Variants in KDELR2 observed in about 807,000 individuals in gnomAD.
The protein encoded by KDELR2 is KDEL endoplasmic reticulum protein retention receptor 2.
In KDELR2, 15 loss-of-function variants were observed where a neutral mutation model predicts 23.9. The observed-to-expected ratio is 0.63, with a 90% confidence interval of 0.42 to 0.97. KDELR2 has a LOEUF of 0.97. Among genes scored for constraint, KDELR2 ranks in the 50% least tolerant of loss-of-function variants. The pLI, the probability that KDELR2 is intolerant of heterozygous loss-of-function variation, is 0.00. For missense variants in KDELR2, 272 were observed against 254.6 expected (o/e 1.07, Z -0.46); for synonymous variants, 119 against 106.2 (o/e 1.12, Z -0.74).
chr7:6,480,550 AG>A (rs1785868614), intron 1 of KDELR2, among the ~76,000 whole-genome samples: 5 of 152,294 alleles, frequency 3.3e-5, no homozygotes, highest in African/African-American at 1.2e-4. Flanking sequence ...TCTGCCTATG[AG>A]GAACACAGAA....
At chr7:6,473,358 C>T (rs978124307) in intron 2 of KDELR2, among the ~76,000 whole-genome samples, 5 of 152,012 alleles carry the variant, frequency 3.3e-5, no homozygotes, top group African/African-American at 4.8e-5. Context: ...TATTTTCTGC[C>T]GCATCCTCAG....
Position 6,462,893 on chromosome 7 carries a change from TA to T in KDELR2, c.*247del. On this transcript the variant is annotated 3_prime_UTR_variant, in exon 5 of 5. Coordinates refer to ENST00000258739, the MANE Select transcript of KDELR2 (RefSeq NM_006854.4). ...AATTGAAGCTACACACTGAATTTAT[TA>T]ATACAGCATTAAGTTTCTTTGTGTA... The T allele has an allele frequency of 7.9e-7, 1 of 1,267,648 alleles. No homozygotes were observed. The highest frequency in any genetic ancestry group is 1.5e-5 in the African/African-American group (1 of 66,408). The allele number at this position is 1,267,648 out of a possible 1,614,324, so 78.5% of individuals were successfully genotyped here.
chr7:6,470,469 G>A (rs1055460469), intron 2 of KDELR2: 1 of 152,208 alleles, frequency 6.6e-6, no homozygotes, highest in Non-Finnish European at 1.5e-5. Context: ...GGGAAAGTTC[G>A]CGCCTTGAAC....
intron 2 of KDELR2, among the ~76,000 whole-genome samples, chr7:6,473,080 G>GTTTTT (rs1393026018): frequency 2.3e-5 from 1 of 42,718 alleles, no homozygotes; most frequent in African/African-American, 7.7e-5. Context: ...GCTAATTTTT[G>GTTTTT]TATTTTTTTT....
At chr7:6,473,473 T>C (rs542184263) in intron 2 of KDELR2, among the ~76,000 whole-genome samples, 24 of 152,290 alleles carry the variant, frequency 1.6e-4, no homozygotes, top group African/African-American at 5.1e-4. Flanking sequence ...GTGCCACCAG[T>C]GCTACACAAA....
intron 2 of KDELR2, among the ~76,000 whole-genome samples, chr7:6,471,938 G>A (rs1045940392): frequency 2.7e-5 from 4 of 148,094 alleles, no homozygotes; most frequent in Non-Finnish European, 5.9e-5. Context: ...GCCTTGCTCT[G>A]TCACCAGGCT....
intron 2 of KDELR2, chr7:6,470,099 T>C (rs1785596783): frequency 5.7e-6 from 1 of 175,284 alleles, no homozygotes; most frequent in Non-Finnish European, 1.2e-5. Flanking sequence ...GCCACATAAA[T>C]GGAGTCACAT....
intron 2 of KDELR2, among the ~76,000 whole-genome samples, chr7:6,473,248 C>T (rs1785690697): frequency 6.6e-6 from 1 of 151,880 alleles, no homozygotes; most frequent in African/African-American, 2.4e-5. Flanking sequence ...CATAGGTTCG[C>T]AACTCTTATA....
chr7:6,468,094 G>A (rs1360963470), intron 3 of KDELR2, among the ~76,000 whole-genome samples: 2 of 152,352 alleles, frequency 1.3e-5, no homozygotes, highest in Non-Finnish European at 2.9e-5. Flanking sequence ...TACCACTGAA[G>A]TCAAGATAAT....
chr7:6,468,336 A>G (rs1446153173), intron 3 of KDELR2, among the ~76,000 whole-genome samples: 1 of 152,066 alleles, frequency 6.6e-6, no homozygotes, highest in Non-Finnish European at 1.5e-5. Context: ...CATGAAATTA[A>G]CTTTTTTTCT....
intron 1 of KDELR2, among the ~76,000 whole-genome samples, chr7:6,483,647 G>A (rs1021460627): frequency 6.6e-6 from 1 of 152,226 alleles, no homozygotes; most frequent in Non-Finnish European, 1.5e-5. Context: ...CCAGAGAGGG[G>A]CCACGCCTGT....
chr7:6,477,198 G>A (rs916990021), intron 1 of KDELR2, among the ~76,000 whole-genome samples: 3 of 152,312 alleles, frequency 2.0e-5, no homozygotes, highest in African/African-American at 2.4e-5. Flanking sequence ...GTTTGAAGCC[G>A]GTCCATGGAG....
At position 6,474,191 on chromosome 7, in the gene KDELR2, G is replaced by A. The variant is rs762563240; in HGVS notation, c.185C>T (p.Ser62Phe). The A allele has an allele frequency of 1.5e-5, 24 of 1,595,726 alleles. No individual in the cohort carries two copies. The highest frequency in any genetic ancestry group is 2.0e-5 in the Non-Finnish European group (23 of 1,163,356). Residue 62 changes from serine to phenylalanine, a missense_variant, in exon 2 of 5, where the codon TCT becomes TTT. By Grantham distance (155) the Ser-to-Phe change is radical. Transcript: ENST00000258739. ...FTSFISLYNT[S>F]MKVIYLACSY... ...GTGGATGGCATACCATACCTTCATA[G>A]ATGTGTTATACAATGAAATAAATGA...
intron 1 of KDELR2, among the ~76,000 whole-genome samples, chr7:6,479,496 G>C (rs1258349914): frequency 6.6e-6 from 1 of 151,410 alleles, no homozygotes; most frequent in Non-Finnish European, 1.5e-5. Context: ...TTGATTTTTT[G>C]AGACGGAGTC....
chr7:6,463,113 G>A lies in KDELR2; in HGVS notation c.*28C>T. Reference sequence around the variant, plus strand: ...AGAATTCTGTCCGAGCACCCTGAAGGACAGATGCTGGTGATGGTCTTTGGC... The same window carrying A: ...AGAATTCTGTCCGAGCACCCTGAAGAACAGATGCTGGTGATGGTCTTTGGC... On this transcript the variant is annotated 3_prime_UTR_variant, in exon 5 of 5. Coordinates refer to ENST00000258739, the MANE Select transcript of KDELR2 (RefSeq NM_006854.4). 5 of 1,614,164 alleles carry A rather than the reference G, an allele frequency of 3.1e-6. No individual in the cohort carries two copies. Among genetic ancestry groups the A allele is most frequent in the Non-Finnish European group, 4.2e-6 (5 of 1,180,038 alleles).
chr7:6,478,588 C>G (rs914377929), intron 1 of KDELR2, among the ~76,000 whole-genome samples: 3 of 152,078 alleles, frequency 2.0e-5, no homozygotes, highest in South Asian at 2.1e-4. Flanking sequence ...AGATATTAAC[C>G]TTTTGTCACT....
intron 3 of KDELR2, among the ~76,000 whole-genome samples, chr7:6,468,223 C>T (rs1785543234): frequency 6.6e-6 from 1 of 152,170 alleles, no homozygotes; most frequent in Admixed American, 6.5e-5. Context: ...ATGAACATTG[C>T]ACTAGAGTTT....
intron 2 of KDELR2, among the ~76,000 whole-genome samples, chr7:6,473,243 G>A (rs886074821): frequency 2.6e-5 from 4 of 151,694 alleles, no homozygotes; most frequent in Admixed American, 6.6e-5. Context: ...ATATCCATAG[G>A]TTCGCAACTC....
chr7:6,470,261 T>G (rs1204258021), intron 2 of KDELR2: 1 of 152,474 alleles, frequency 6.6e-6, no homozygotes, highest in Non-Finnish European at 1.5e-5. Context: ...CCGCCATCCA[T>G]GGCGTTTGCA....
Sources: allele counts gnomAD v4.1 joint callset (sites outside exome capture counted in the v4.1 genomes callset), GRCh38; gene constraint gnomAD v4.1.1; transcripts MANE v1.5; gene names NCBI Gene and HGNC (gene_info 2026-07-23, HGNC 2026-07-21).